COL6A6: variants seen among roughly 807,000 people sequenced by gnomAD.
COL6A6 encodes collagen alpha-6(VI) chain.
Under a neutral mutation model 208.6 loss-of-function variants are expected in COL6A6, and 183 were observed. That is an observed-to-expected ratio of 0.88 (90% CI 0.78 to 0.99). The LOEUF (loss-of-function observed/expected upper bound fraction) is 0.99. COL6A6 is among the 50% of genes least tolerant of loss of function. The probability of loss-of-function intolerance (pLI) is 0.00; values close to 1 mark genes in which losing one functional copy is unlikely to be tolerated. For missense variants in COL6A6, 2,816 were observed against 2,815.2 expected (o/e 1.00, Z -0.01); for synonymous variants, 973 against 1,011.8 (o/e 0.96, Z 0.73).
intron 1 of COL6A6, among the ~76,000 whole-genome samples, chr3:130,518,291 G>C (rs186899073): frequency 4.6e-5 from 7 of 152,238 alleles, no homozygotes; most frequent in African/African-American, 1.7e-4. Context: ...TTTCTGTTAA[G>C]AATTCTATAG....
chr3:130,600,460 C>T (rs1174038004), intron 20 of COL6A6, among the ~76,000 whole-genome samples: 1 of 152,062 alleles, frequency 6.6e-6, no homozygotes, highest in Non-Finnish European at 1.5e-5. Flanking sequence ...GACATGGCAC[C>T]AACCCAAATG....
At chr3:130,536,696 G>A (rs549795585) in intron 1 of COL6A6, among the ~76,000 whole-genome samples, 1 of 152,326 alleles carries the variant, frequency 6.6e-6, no homozygotes, top group Non-Finnish European at 1.5e-5. Context: ...AATCAGTGCA[G>A]CTGGAGTGGT....
At chr3:130,674,993 T>TA (rs2066322745) in intron 36 of COL6A6, among the ~76,000 whole-genome samples, 1 of 152,224 alleles carries the variant, frequency 6.6e-6, no homozygotes, top group South Asian at 2.1e-4. Flanking sequence ...GCTGAAGTAA[T>TA]ACTTTTGCAT....
chr3:130,663,557 T>TA (rs1044677560), intron 35 of COL6A6, among the ~76,000 whole-genome samples: 1 of 151,828 alleles, frequency 6.6e-6, no homozygotes, highest in African/African-American at 2.4e-5. Flanking sequence ...TTTGTAAGGG[T>TA]AAAAAAAGTA....
rs376462458 is a variant in COL6A6 at position 130,563,362 on chromosome 3, C to G, written c.359C>G (p.Ser120Cys). Reference sequence around the variant, plus strand: ...CAGGAGGCTCACAGGACTTATTTCTCTGCACCCGCAAATGGGAGAGACAAG... The same window carrying G: ...CAGGAGGCTCACAGGACTTATTTCTGTGCACCCGCAAATGGGAGAGACAAG... ...ALQEAHRTYFSAPANGRDKKQ... is the reference protein window; with the variant it reads ...ALQEAHRTYFCAPANGRDKKQ... The change falls in exon 3 of 37, where the codon TCT becomes TGT. Residue 120 changes from serine to cysteine, a missense_variant. By Grantham distance (112) the Ser-to-Cys change is moderately radical. Transcript: ENST00000358511. 6.2e-7 allele frequency: 1 copy of G among 1,613,914 alleles called. No homozygotes were observed. The highest frequency in any genetic ancestry group is 1.3e-5 in the African/African-American group (1 of 74,926).
In COL6A6 at chr3:130,675,569, C is replaced by T; in HGVS notation, c.*172C>T. On this transcript the variant is annotated 3_prime_UTR_variant, in exon 37 of 37. Transcript: ENST00000358511. Reference sequence around the variant, plus strand: ...TGTTCATTTATTTGACCACTCCTGACAATTCCAGCACTCTACGACTGATAT... The same window carrying T: ...TGTTCATTTATTTGACCACTCCTGATAATTCCAGCACTCTACGACTGATAT... 1 of 519,976 alleles carries T rather than the reference C, an allele frequency of 1.9e-6. No individual in the cohort carries two copies. Among genetic ancestry groups the T allele is most frequent in the South Asian group, 3.8e-5 (1 of 26,422 alleles). The allele number at this position is 519,976 out of a possible 1,614,324, so 32.2% of individuals were successfully genotyped here.
intron 26 of COL6A6, among the ~76,000 whole-genome samples, chr3:130,633,880 T>C (rs2065016165): frequency 2.9e-5 from 1 of 34,756 alleles, no homozygotes; most frequent in Non-Finnish European, 4.0e-5. Flanking sequence ...GGAAGGGGAA[T>C]ATCACACTCT....
intron 10 of COL6A6, among the ~76,000 whole-genome samples, chr3:130,585,146 C>T (rs1246476036): frequency 6.6e-6 from 1 of 152,132 alleles, no homozygotes; most frequent in African/African-American, 2.4e-5. Context: ...GGATTCTTTA[C>T]CCATCAATAA....
At chr3:130,668,989 A>G (rs970030402) in intron 36 of COL6A6, among the ~76,000 whole-genome samples, 7 of 152,246 alleles carry the variant, frequency 4.6e-5, no homozygotes, top group East Asian at 3.8e-4. Flanking sequence ...TGGAGTGTTT[A>G]TAAGTGTTCC....
At chr3:130,634,563 A>G in intron 26 of COL6A6, 27 bp from the exon 27 acceptor site, 4 of 1,592,638 alleles carry the variant, frequency 2.5e-6, no homozygotes, top group East Asian at 2.2e-5. Context: ...GTGTGCCTGT[A>G]TAAATCTTTC....
chr3:130,666,126 AGAGG>A (rs2108475813), intron 36 of COL6A6, among the ~76,000 whole-genome samples: 1 of 152,348 alleles, frequency 6.6e-6, no homozygotes, highest in African/African-American at 2.4e-5. Context: ...CATGAAGAAT[AGAGG>A]GACATGGGGT....
intron 34 of COL6A6, among the ~76,000 whole-genome samples, chr3:130,659,968 G>A (rs768856987): frequency 1.2e-4 from 19 of 152,132 alleles, no homozygotes; most frequent in Non-Finnish European, 2.1e-4. Flanking sequence ...TGGTTTAGGC[G>A]CTGGCAATCT....
chr3:130,634,221 A>T (rs2065033848), intron 26 of COL6A6, among the ~76,000 whole-genome samples: 1 of 56,326 alleles, frequency 1.8e-5, no homozygotes, highest in South Asian at 5.7e-4. Flanking sequence ...AAATAAATAA[A>T]TAAATAAATA....
intron 1 of COL6A6, among the ~76,000 whole-genome samples, chr3:130,525,621 C>T (rs532219013): frequency 1.5e-4 from 22 of 151,602 alleles, no homozygotes; most frequent in Admixed American, 3.9e-4. Flanking sequence ...GAATTCTTGT[C>T]GATCTCGGGA....
In COL6A6 at chr3:130,649,400, G is replaced by A. The variant is rs760682710; in HGVS notation, c.5571G>A (p.Thr1857=). The A allele has an allele frequency of 1.8e-5, 29 of 1,612,842 alleles. No individual in the cohort carries two copies. The South Asian group carries it at 2.6e-4, about 15-fold the overall frequency. ...TTTCCAGGAATGTCTTCAAGCGGAC[G>A]CTTCCGGGGGCACACACGAGAAAAA... ...RFISRNVFKR[T]LPGAHTRKIA... Residue 1857 remains threonine (T), a synonymous_variant, in exon 33 of 37, where the codon ACG becomes ACA. Coordinates refer to ENST00000358511, the MANE Select transcript of COL6A6 (RefSeq NM_001102608.3).
chr3:130,537,434 C>A (rs2062252719), intron 1 of COL6A6, among the ~76,000 whole-genome samples: 1 of 152,306 alleles, frequency 6.6e-6, no homozygotes, highest in Admixed American at 6.5e-5. Flanking sequence ...AGCCAGTCAG[C>A]CCAGGGATCT....
Position 130,606,924 on chromosome 3 carries a change from A to T in COL6A6, c.4654-7A>T. On this transcript the variant is annotated splice_polypyrimidine_tract_variant and splice_region_variant and intron_variant, in intron 20 of 36. Transcript: ENST00000358511. ...ATTAATGATATCCACCTTTTCTTCT[A>T]TTTTAGGCAGCTCATGGCAGAAGGG... is the stretch of plus-strand genomic sequence containing the variant. 1 of 1,606,676 alleles carries T rather than the reference A, an allele frequency of 6.2e-7. No homozygotes were observed. Among genetic ancestry groups the T allele is most frequent in the Non-Finnish European group, 8.5e-7 (1 of 1,177,150 alleles).
chr3:130,668,205 G>A (rs1028806423), intron 36 of COL6A6, among the ~76,000 whole-genome samples: 3 of 152,040 alleles, frequency 2.0e-5, no homozygotes, highest in African/African-American at 7.2e-5. Flanking sequence ...AGCTGGGCGC[G>A]GTGGCTCATG....
At chr3:130,584,294 C>T (rs1367444795) in intron 10 of COL6A6, among the ~76,000 whole-genome samples, 1 of 152,132 alleles carries the variant, frequency 6.6e-6, no homozygotes. Context: ...TAAAATTTTA[C>T]ATTTCCTGGG....
Sources: gnomAD v4.1 joint callset for allele counts (sites outside exome capture counted in the v4.1 genomes callset) on GRCh38, gnomAD v4.1.1 for gene constraint, MANE v1.5 for transcripts, NCBI Gene and HGNC (gene_info 2026-07-23, HGNC 2026-07-21) for gene names.